ASTN2: variants seen among roughly 807,000 people sequenced by gnomAD.
ASTN2 encodes the protein astrotactin-2.
A neutral mutation model predicts 139.8 loss-of-function variants in ASTN2; 54 were observed. The observed-to-expected ratio is 0.39, with a 90% CI of 0.31 to 0.48. The LOEUF is 0.48. Among genes scored for constraint, ASTN2 ranks in the 20% least tolerant of loss-of-function variants. ASTN2 has a pLI of 0.95. For synonymous variants in ASTN2, 756 were observed against 719.5 expected (o/e 1.05, Z -0.81); for missense variants, 1,565 against 1,725.1 (o/e 0.91, Z 1.64).
intron 20 of ASTN2, among the ~76,000 whole-genome samples, chr9:116,445,583 G>C (rs1368555173): frequency 6.6e-6 from 1 of 152,174 alleles, no homozygotes; most frequent in East Asian, 1.9e-4. Context: ...ATGAATAAGA[G>C]AGCCCCCAGG....
intron 19 of ASTN2, among the ~76,000 whole-genome samples, chr9:116,498,854 CAT>C (rs1849759943): frequency 6.6e-6 from 1 of 152,164 alleles, no homozygotes; most frequent in Non-Finnish European, 1.5e-5. Context: ...AACCTGGAAA[CAT>C]AGCCATCTTA....
Position 116,673,275 on chromosome 9 carries a change from T to C in ASTN2, c.2807-21482A>G, listed in dbSNP as rs575361200. On this transcript the variant is annotated intron_variant, in intron 16 of 22. Transcript: ENST00000313400. ...TTTGTGGGTTTTGTCCAATTCTTTGTTCAAGCCACCAAGAACCTGGACACA... is the reference window on the plus strand; with the variant it reads ...TTTGTGGGTTTTGTCCAATTCTTTGCTCAAGCCACCAAGAACCTGGACACA... 5.9e-5 allele frequency among the ~76,000 whole-genome samples: 9 copies of C among 152,330 alleles called. No homozygotes were observed. In the South Asian group the frequency reaches 1.9e-3, roughly 32 times the overall value.
chr9:116,829,319 A>G (rs1328913991), intron 11 of ASTN2, among the ~76,000 whole-genome samples: 1 of 150,946 alleles, frequency 6.6e-6, no homozygotes, highest in South Asian at 2.1e-4. Context: ...AACTAGATCA[A>G]TGGAATAGAA....
At chr9:116,902,138 G>A (rs1265325466) in intron 10 of ASTN2, among the ~76,000 whole-genome samples, 1 of 152,152 alleles carries the variant, frequency 6.6e-6, no homozygotes, top group Non-Finnish European at 1.5e-5. Flanking sequence ...TCAGAAGAAG[G>A]CACTGTTACC....
At chr9:117,374,704 G>A (rs1347844086) in intron 1 of ASTN2, among the ~76,000 whole-genome samples, 2 of 152,172 alleles carry the variant, frequency 1.3e-5, no homozygotes, top group East Asian at 3.9e-4. Context: ...AGGACTGGGA[G>A]AGGTATAGTC....
At position 116,844,962 on chromosome 9, in the gene ASTN2, GATTGCTGTT is replaced by G. The variant is rs572215892; in HGVS notation, c.2040+18612_2040+18620del. ...TTGCTGAAGGCCCACACTTCTATGA[GATTGCTGTT>G]ATTGCTGTTATTAGCTTGATGTCTG... On this transcript the variant is annotated intron_variant, in intron 11 of 22. Coordinates refer to ENST00000313400, the MANE Select transcript of ASTN2 (RefSeq NM_001365068.1). Among the ~76,000 whole-genome samples, 922 of 152,330 alleles carry G rather than the reference GATTGCTGTT, an allele frequency of 6.1e-3. 7 individuals carry two copies. The highest frequency in any genetic ancestry group is 0.021 in the African/African-American group (864 of 41,572).
chr9:117,103,862 C>A lies in ASTN2; in HGVS notation c.1169-7711G>T, dbSNP rs563449310. Among the ~76,000 whole-genome samples the A allele has an allele frequency of 1.1e-4, 16 of 152,278 alleles. No individual in the cohort carries two copies. In the South Asian group the frequency reaches 3.3e-3, roughly 32 times the overall value. ...AGAAGTGGGTAAACTTCCCACACCC[C>A]CTATACCACACAACTCACAATTGCT... On this transcript the variant is annotated intron_variant, in intron 4 of 22. Transcript: ENST00000313400.
Position 116,423,499 on chromosome 9 carries a change from G to A in ASTN2, c.*2352C>T, listed in dbSNP as rs1507903. ...TGAGCTAAATTGTTCCTCGGGTTGG[G>A]TCAAGACAATGGAAAGCAACAGCAA... On this transcript the variant is annotated 3_prime_UTR_variant, in exon 23 of 23. Transcript: ENST00000313400. Among the ~76,000 whole-genome samples, 1,916 of 152,296 alleles carry A rather than the reference G, an allele frequency of 0.013. 21 individuals carry two copies. Among genetic ancestry groups the A allele is most frequent in the Admixed American group, 0.021 (323 of 15,304 alleles).
intron 1 of ASTN2, among the ~76,000 whole-genome samples, chr9:117,406,554 C>G (rs1188978799): frequency 2.6e-5 from 4 of 152,022 alleles, no homozygotes; most frequent in Non-Finnish European, 5.9e-5. Context: ...TTGAAAGGTC[C>G]AGGTGTGCTC....
chr9:116,454,156 G>C (rs1848256605), intron 20 of ASTN2, among the ~76,000 whole-genome samples: 1 of 152,146 alleles, frequency 6.6e-6, no homozygotes, highest in Non-Finnish European at 1.5e-5. Flanking sequence ...CTATAAGGTG[G>C]TGTTATCATT....
chr9:117,241,991 T>G (rs1392884864), intron 2 of ASTN2, among the ~76,000 whole-genome samples: 1 of 140,556 alleles, frequency 7.1e-6, no homozygotes, highest in Non-Finnish European at 1.5e-5. Flanking sequence ...AGTGAAAACT[T>G]TCTTTGGCAA....
chr9:116,615,731 G>C lies in ASTN2; in HGVS notation c.3355+2593C>G, dbSNP rs549601347. Among the ~76,000 whole-genome samples the C allele has an allele frequency of 7.2e-5, 10 of 139,564 alleles. 1 individual carries two copies. The South Asian group carries it at 2.6e-3, about 36-fold the overall frequency. 91.6% of individuals were successfully genotyped at this position (139,564 alleles called of 152,430 possible). ...CACACACCAGGGCCTGTCATGGGGT[G>C]GGGGCAGGGGGGACGGATAGCATTA... On this transcript the variant is annotated intron_variant, in intron 19 of 22. Coordinates refer to ENST00000313400, the MANE Select transcript of ASTN2 (RefSeq NM_001365068.1).
At chr9:117,312,595 CAG>C (rs1244145080) in intron 1 of ASTN2, among the ~76,000 whole-genome samples, 1 of 152,136 alleles carries the variant, frequency 6.6e-6, no homozygotes, top group Non-Finnish European at 1.5e-5. Context: ...AAGCAAAAGA[CAG>C]AATGCAGACA....
intron 1 of ASTN2, among the ~76,000 whole-genome samples, chr9:117,371,051 G>A (rs1278102060): frequency 1.3e-5 from 2 of 151,766 alleles, no homozygotes; most frequent in Non-Finnish European, 2.9e-5. Context: ...CCCAAAGAAG[G>A]GCCAAAATTA....
intron 4 of ASTN2, among the ~76,000 whole-genome samples, chr9:117,113,913 G>A (rs1829312068): frequency 6.6e-6 from 1 of 152,014 alleles, no homozygotes; most frequent in Non-Finnish European, 1.5e-5. Context: ...TGGGGGTGAA[G>A]GAAATGGTCA....
In ASTN2 at chr9:116,937,796, A is replaced by T. The variant is rs1835120718; in HGVS notation, c.1889+37412T>A. On this transcript the variant is annotated intron_variant, in intron 10 of 22. Coordinates refer to ENST00000313400, the MANE Select transcript of ASTN2 (RefSeq NM_001365068.1). Reference sequence around the variant, plus strand: ...ATAATTAATTTGATAAATATGTGTTAGTTTTTACTGAATTGCCAAGCAACA... The same window carrying T: ...ATAATTAATTTGATAAATATGTGTTTGTTTTTACTGAATTGCCAAGCAACA... 4.6e-5 allele frequency among the ~76,000 whole-genome samples: 7 copies of T among 152,218 alleles called. No individual in the cohort carries two copies. The South Asian group carries it at 1.4e-3, about 32-fold the overall frequency.
intron 6 of ASTN2, among the ~76,000 whole-genome samples, chr9:117,033,372 T>C (rs12352701): frequency 0.023 from 3,437 of 152,250 alleles, 109 homozygotes; most frequent in African/African-American, 0.079. Context: ...TTTATATAAT[T>C]TATTGAACCA....
At chr9:117,099,942 C>A (rs1419267984) in intron 4 of ASTN2, among the ~76,000 whole-genome samples, 3 of 152,178 alleles carry the variant, frequency 2.0e-5, no homozygotes, top group Admixed American at 1.3e-4. Flanking sequence ...TGTCTACCTG[C>A]AAAGCTTGCT....
chr9:117,312,588 C>T (rs1199451982), intron 1 of ASTN2, among the ~76,000 whole-genome samples: 1 of 152,116 alleles, frequency 6.6e-6, no homozygotes, highest in Non-Finnish European at 1.5e-5. Flanking sequence ...AAATCAGAAG[C>T]AAAAGACAGA....
Sources: gnomAD v4.1 joint callset for allele counts (sites outside exome capture counted in the v4.1 genomes callset) on GRCh38, gnomAD v4.1.1 for gene constraint, MANE v1.5 for transcripts, NCBI Gene and HGNC (gene_info 2026-07-23, HGNC 2026-07-21) for gene names.